Variants in PRRC2B observed in about 807,000 individuals in gnomAD.
PRRC2B encodes the protein proline rich coiled-coil 2B, also known as protein PRRC2B.
Under a neutral mutation model 242.3 loss-of-function variants are expected in PRRC2B, and 68 were observed. The ratio of observed to expected loss-of-function variants is 0.28; its 90% CI spans 0.23 to 0.34. PRRC2B has a LOEUF of 0.34. Among genes scored for constraint, PRRC2B ranks in the 10% least tolerant of loss-of-function variants. The pLI, the probability that PRRC2B is intolerant of heterozygous loss-of-function variation, is 1.00. For missense variants in PRRC2B, 2,835 were observed against 2,954.8 expected, an observed-to-expected ratio of 0.96 and a Z score of 0.94; for synonymous variants, 1,228 against 1,173.6, an observed-to-expected ratio of 1.05 and a Z score of -0.95.
intron 1 of PRRC2B, among the ~76,000 whole-genome samples, chr9:131,378,460 C>G (rs183883430): frequency 2.6e-5 from 4 of 152,214 alleles, no homozygotes; most frequent in Non-Finnish European, 5.9e-5. Context: ...ATCTAAAATG[C>G]ACCAAGAATA....
At chr9:131,377,332 C>T (rs1401594723) in intron 1 of PRRC2B, among the ~76,000 whole-genome samples, 1 of 152,176 alleles carries the variant, frequency 6.6e-6, no homozygotes, top group African/African-American at 2.4e-5. Context: ...CCAGGATGGT[C>T]TCAATCTCCT....
At chr9:131,490,343 A>G (rs1173234873) in intron 28 of PRRC2B, 8 of 472,396 alleles carry the variant, frequency 1.7e-5, no homozygotes, top group Non-Finnish European at 3.4e-5. Flanking sequence ...TCCTGTAGGG[A>G]CTCCTACCTG....
intron 10 of PRRC2B, among the ~76,000 whole-genome samples, chr9:131,456,884 T>G (rs1385256150): frequency 6.6e-6 from 1 of 152,236 alleles, no homozygotes; most frequent in Admixed American, 6.5e-5. Context: ...GACTTTTTCC[T>G]TTGCTTCCTT....
At chr9:131,399,518 G>T (rs944949988) in intron 1 of PRRC2B, among the ~76,000 whole-genome samples, 1 of 152,050 alleles carries the variant, frequency 6.6e-6, no homozygotes, top group African/African-American at 2.4e-5. Flanking sequence ...GGCGGAGTTT[G>T]CAGTGAGCCG....
intron 9 of PRRC2B, among the ~76,000 whole-genome samples, chr9:131,453,101 C>G (rs1418574102): frequency 1.3e-5 from 2 of 152,188 alleles, no homozygotes; most frequent in Non-Finnish European, 2.9e-5. Flanking sequence ...TTTGAAGCTG[C>G]TATTAGGCAT....
chr9:131,476,868 G>C (rs1456882256), intron 16 of PRRC2B, among the ~76,000 whole-genome samples: 1 of 152,106 alleles, frequency 6.6e-6, no homozygotes, highest in Non-Finnish European at 1.5e-5. Context: ...GCCAGGTGCC[G>C]GTCAGTCCAC....
rs1564300810 is a variant in PRRC2B, at chr9:131,484,930, CT to C, written c.5566-17del. ...GTGATAGTAATTTTCATCCCTCCCC[CT>C]CCCCTTGCTTCTGAAGATGGAGTCT... On this transcript the variant is annotated splice_polypyrimidine_tract_variant and intron_variant, in intron 24 of 31. Transcript: ENST00000683519. The C allele has an allele frequency of 6.3e-7, 1 of 1,599,256 alleles. No homozygotes were observed. The highest frequency in any genetic ancestry group is 8.6e-7 in the Non-Finnish European group (1 of 1,168,814).
chr9:131,485,396 C>T (rs868701842), intron 25 of PRRC2B, among the ~76,000 whole-genome samples: 83 of 152,342 alleles, frequency 5.4e-4, no homozygotes, highest in African/African-American at 1.6e-3. Context: ...CGAGCAAAGG[C>T]TTGACTTTGA....
chr9:131,468,608 C>G (rs1195532320), intron 13 of PRRC2B, among the ~76,000 whole-genome samples: 1 of 152,056 alleles, frequency 6.6e-6, no homozygotes. Context: ...TAAGGGAACA[C>G]AGTAGTCAAT....
upstream of PRRC2B, among the ~76,000 whole-genome samples, chr9:131,389,312 T>C (rs1027204324): frequency 2.7e-5 from 4 of 148,966 alleles, no homozygotes; most frequent in African/African-American, 9.8e-5. Context: ...TGCGCCACCA[T>C]GCCTGGCTCA....
chr9:131,444,340 C>A lies in PRRC2B; in HGVS notation c.613+12C>A. The A allele has an allele frequency of 6.2e-7, 1 of 1,608,732 alleles. No individual in the cohort carries two copies. The highest frequency in any genetic ancestry group is 1.1e-5 in the South Asian group (1 of 90,126). On this transcript the variant is annotated intron_variant, in intron 6 of 31. Coordinates refer to ENST00000683519, the MANE Select transcript of PRRC2B (RefSeq NM_013318.4). Reference sequence around the variant, plus strand: ...CCTCCGCCCTCAGAGTAAGTGACTGCAGCCTCTGGGCACTCGATGGAGTAA... The same window carrying A: ...CCTCCGCCCTCAGAGTAAGTGACTGAAGCCTCTGGGCACTCGATGGAGTAA...
rs375399679 is a variant in PRRC2B, at chr9:131,482,834, C to T, written c.5300C>T (p.Pro1767Leu). ...CGGCTGCAAGGGGCTGTCGTCCCGC[C>T]TGTTAACGGGGTGGAGATTCACGTG... ...AERLQGAVVP[P>L]VNGVEIHVDS... Residue 1767 changes from proline (P) to leucine (L), a missense_variant, in exon 22 of 32, where the codon CCT (proline) becomes CTT (leucine). Coordinates refer to ENST00000683519, the MANE Select transcript of PRRC2B (RefSeq NM_013318.4). The surrounding 1 kb of genome is among the most constrained non-coding windows in gnomAD (Gnocchi z 5.2). The T allele has an allele frequency of 1.9e-6, 3 of 1,608,878 alleles. No individual in the cohort carries two copies. Among genetic ancestry groups the T allele is most frequent in the Non-Finnish European group, 2.5e-6 (3 of 1,177,590 alleles).
At chr9:131,382,593 C>T (rs1340690545) in intron 1 of PRRC2B, among the ~76,000 whole-genome samples, 1 of 151,712 alleles carries the variant, frequency 6.6e-6, no homozygotes, top group Admixed American at 6.6e-5. Context: ...CCCCCTGCTG[C>T]TGGTTCGTTC....
upstream of PRRC2B, among the ~76,000 whole-genome samples, chr9:131,393,749 T>A (rs533152175): frequency 8.0e-6 from 1 of 124,672 alleles, no homozygotes; most frequent in African/African-American, 3.1e-5. Context: ...GCCGGGCCCA[T>A]GCCCTTCCCA....
intron 3 of PRRC2B, among the ~76,000 whole-genome samples, chr9:131,435,977 T>C (rs1196455979): frequency 6.6e-6 from 1 of 152,218 alleles, no homozygotes; most frequent in African/African-American, 2.4e-5. Flanking sequence ...CTAGTTTTAT[T>C]TATAAGTTTA....
chr9:131,374,172 A>G (rs1355140501), intron 1 of PRRC2B, among the ~76,000 whole-genome samples: 4 of 152,178 alleles, frequency 2.6e-5, no homozygotes, highest in African/African-American at 9.7e-5. Flanking sequence ...TATCAAAATA[A>G]CACATATACC....
intron 17 of PRRC2B, among the ~76,000 whole-genome samples, chr9:131,478,154 C>T (rs1943757017): frequency 6.6e-6 from 1 of 152,146 alleles, no homozygotes; most frequent in South Asian, 2.1e-4. Context: ...CGTTGAATCC[C>T]CGTGACACCC....
chr9:131,478,321 T>C (rs1210947066), intron 17 of PRRC2B, among the ~76,000 whole-genome samples, 153 bp from the exon 18 acceptor site: 1 of 152,080 alleles, frequency 6.6e-6, no homozygotes, highest in African/African-American at 2.4e-5. Context: ...GGGGTAACAA[T>C]GTGTTAGATC....
At position 131,497,027 on chromosome 9, in the gene PRRC2B, C is replaced by T. The variant is rs1037448015; in HGVS notation, c.*1153C>T. 6.6e-6 allele frequency: 1 copy of T among 152,340 alleles called. No individual in the cohort carries two copies. The highest frequency in any genetic ancestry group is 1.5e-5 in the Non-Finnish European group (1 of 68,100). 9.4% of individuals were successfully genotyped at this position (152,340 alleles called of 1,614,324 possible). A position where few individuals can be genotyped will look rare whatever the true frequency, so the allele number is the denominator to read the frequency against. On this transcript the variant is annotated 3_prime_UTR_variant, in exon 32 of 32. Coordinates refer to ENST00000683519, the MANE Select transcript of PRRC2B (RefSeq NM_013318.4). The stretch of plus-strand genomic sequence containing the variant: ...TGTCTCCACCTCCCACACAGCTCAT[C>T]GTGAACACCACTTGGTGATGGAGGG...
Sources: gnomAD v4.1 joint callset for allele counts (sites outside exome capture counted in the v4.1 genomes callset) on GRCh38, gnomAD v4.1.1 for gene constraint, Gnocchi (gnomAD v3.1) non-coding constraint, MANE v1.5 for transcripts, NCBI Gene and HGNC (gene_info 2026-07-23, HGNC 2026-07-21) for gene names.